The following RICTOR variants were observed in gnomAD, a reference collection of about 807,000 sequenced individuals.
The protein encoded by RICTOR is rapamycin-insensitive companion of mTOR.
In RICTOR, 49 loss-of-function variants were observed where a neutral mutation model predicts 214.9. That is an observed-to-expected ratio of 0.23 (90% CI 0.18 to 0.29). The LOEUF is 0.29. Among genes scored for constraint, RICTOR ranks in the 10% least tolerant of loss-of-function variants. RICTOR has a pLI of 1.00. For synonymous variants in RICTOR, 717 were observed against 711.3 expected (o/e 1.01, Z -0.13); for missense variants, 1,625 against 2,047.0 (o/e 0.79, Z 3.98).
intron 5 of RICTOR, among the ~76,000 whole-genome samples, chr5:39,001,952 C>T (rs1027561966): frequency 1.3e-5 from 2 of 151,996 alleles, no homozygotes; most frequent in African/African-American, 4.8e-5. Context: ...TCTACTAAAG[C>T]TAAACATACA....
At chr5:39,066,708 T>C (rs1758930212) in intron 2 of RICTOR, among the ~76,000 whole-genome samples, 1 of 152,260 alleles carries the variant, frequency 6.6e-6, no homozygotes, top group South Asian at 2.1e-4. Flanking sequence ...TTGAACACTT[T>C]GCTGCTTAGA....
intron 16 of RICTOR, among the ~76,000 whole-genome samples, chr5:38,964,096 TA>T (rs1750018411): frequency 6.6e-6 from 1 of 151,708 alleles, no homozygotes. Flanking sequence ...AGCAAAAAAA[TA>T]AAATCGTCCA....
At chr5:38,996,492 C>G (rs1753187000) in intron 6 of RICTOR, among the ~76,000 whole-genome samples, 2 of 152,192 alleles carry the variant, frequency 1.3e-5, no homozygotes, top group Non-Finnish European at 2.9e-5. Flanking sequence ...AAGAGAAAAT[C>G]AGGATGGGGA....
rs1437337885 is a variant in RICTOR, at chr5:38,990,575, A to ATATATATATC, written c.583+373_583+374insGATATATATA. 1.2e-4 allele frequency among the ~76,000 whole-genome samples: 17 copies of ATATATATATC among 147,222 alleles called. 2 individuals carry two copies. Among genetic ancestry groups the ATATATATATC allele is most frequent in the African/African-American group, 4.0e-4 (16 of 39,746 alleles). On this transcript the variant is annotated intron_variant, in intron 7 of 37. Coordinates refer to ENST00000357387, the MANE Select transcript of RICTOR (RefSeq NM_152756.5). ...TATACACGATATATACACGATATAT[A>ATATATATATC]TGATATATACATGATATATACGATA...
chr5:38,947,339 C>T lies in RICTOR; in HGVS notation c.4239G>A (p.Val1413=), dbSNP rs2112828925. The T allele has an allele frequency of 6.2e-7, 1 of 1,612,604 alleles. No individual in the cohort carries two copies. The highest frequency in any genetic ancestry group is 1.1e-5 in the South Asian group (1 of 91,018). ...CTGAACCCCCATATGTGGCACTGGA[C>T]ACCATGGACCGCACTGAGGAAGATC... ...LQRSSSVRSM[V]SSATYGGSDD... is the part of the protein sequence containing the mutation. The change falls in exon 32 of 38, where the codon GTG becomes GTA. Residue 1413 remains valine, a synonymous_variant. Transcript: ENST00000357387.
At chr5:38,949,022 T>A (rs1301288210) in intron 31 of RICTOR, among the ~76,000 whole-genome samples, 1 of 152,102 alleles carries the variant, frequency 6.6e-6, no homozygotes, top group African/African-American at 2.4e-5. Context: ...TCCACTTAAA[T>A]AAATGTAAAT....
intron 2 of RICTOR, among the ~76,000 whole-genome samples, chr5:39,052,765 G>C (rs1757940074): frequency 6.6e-6 from 1 of 152,148 alleles, no homozygotes; most frequent in Non-Finnish European, 1.5e-5. Context: ...TACCTAGAGA[G>C]CCTCCTTCTT....
chr5:38,947,177 C>T, intron 32 of RICTOR, 87 bp downstream of exon 32: 1 of 956,224 alleles, frequency 1.0e-6, no homozygotes, highest in Non-Finnish European at 1.6e-6. Flanking sequence ...GGTGCCCACC[C>T]TAAATTATGA....
intron 9 of RICTOR, 56 bp from the exon 10 acceptor site, chr5:38,975,660 GT>G: frequency 7.7e-7 from 1 of 1,293,450 alleles, no homozygotes; most frequent in Non-Finnish European, 1.1e-6. Context: ...GTTAAAATGA[GT>G]TTTTTCCTGC....
chr5:38,950,700 CAT>C lies in RICTOR; in HGVS notation c.3146_3147del (p.Asp1049GlyfsTer9). 1 of 1,598,612 alleles carries C rather than the reference CAT, an allele frequency of 6.3e-7. No individual in the cohort carries two copies. The highest frequency in any genetic ancestry group is 8.5e-7 in the Non-Finnish European group (1 of 1,172,764). Reference protein sequence around the residue: ...SVPSSMFILEDDRFGSSSTST... With the variant: ...SVPSSMFILEXDRFGSSSTST... ...CTAGTAGAGCTGCTGCCAAACCGGT[CAT>C]CCTCCAATATGAACATACCTATGAT... On this transcript the variant is annotated frameshift_variant, in exon 31 of 38. Transcript: ENST00000357387. LOFTEE classifies it high-confidence loss of function.
At chr5:39,067,126 G>A (rs971107802) in intron 2 of RICTOR, among the ~76,000 whole-genome samples, 4 of 152,150 alleles carry the variant, frequency 2.6e-5, no homozygotes, top group Non-Finnish European at 4.4e-5. Context: ...AGAAGCATCT[G>A]AGCCTGGGTA....
Position 39,074,314 on chromosome 5 carries a change from T to TAC in RICTOR, c.49+14_49+15insGT. 1 of 1,549,462 alleles carries TAC rather than the reference T, an allele frequency of 6.5e-7. No individual in the cohort carries two copies. On this transcript the variant is annotated intron_variant, in intron 1 of 37. Coordinates refer to ENST00000357387, the MANE Select transcript of RICTOR (RefSeq NM_152756.5). ...GGCGCCGGGCGGTGGGGAGTGAGGG[T>TAC]TGCAGCGGGCTTACCTCGTACTCGG...
In RICTOR at chr5:38,950,558, C is replaced by A. The variant is rs759204549; in HGVS notation, c.3290G>T (p.Arg1097Leu). Residue 1097 changes from arginine to leucine, a missense_variant, in exon 31 of 38, where the codon CGT (arginine) becomes CTT (leucine). By Grantham distance (102) the Arg-to-Leu change is moderately radical. Coordinates refer to ENST00000357387, the MANE Select transcript of RICTOR (RefSeq NM_152756.5). ...FFASSKLVKNRILNSLTLPNK... is the reference protein window; with the variant it reads ...FFASSKLVKNLILNSLTLPNK... ...AGGCAAAGTAAGCGAATTTAAGATACGATTCTTCACAAGTTTACTAGAAGC... is the reference window on the plus strand; with the variant it reads ...AGGCAAAGTAAGCGAATTTAAGATAAGATTCTTCACAAGTTTACTAGAAGC... 1 of 1,613,084 alleles carries A rather than the reference C, an allele frequency of 6.2e-7. No homozygotes were observed. The highest frequency in any genetic ancestry group is 8.5e-7 in the Non-Finnish European group (1 of 1,179,456).
In RICTOR at chr5:38,958,799, C is replaced by A. The variant is rs148408895; in HGVS notation, c.2211G>T (p.Arg737Ser). The A allele has an allele frequency of 6.2e-7, 1 of 1,603,018 alleles. No homozygotes were observed. Among genetic ancestry groups the A allele is most frequent in the East Asian group, 2.2e-5 (1 of 44,596 alleles). ...ATTCAACATTAGCTCTCAATAATAC[C>A]CTTAAATGTTTTGTTGCATAGAGTC... ...ACRLYATKHL[R>S]VLLRANVEFF... is the part of the protein sequence containing the mutation. The change falls in exon 23 of 38, where the codon AGG (arginine) becomes AGT (serine). Residue 737 changes from arginine to serine, a missense_variant. Around this residue, in one of 5 missense-constraint regions of RICTOR, gnomAD observed 1,214 missense variants for 1,470.5 expected, o/e 0.83. Transcript: ENST00000357387.
At chr5:38,945,457 T>C (rs1748084346) in intron 34 of RICTOR, 34 bp downstream of exon 34, 2 of 1,403,230 alleles carry the variant, frequency 1.4e-6, no homozygotes, top group Non-Finnish European at 2.0e-6. Context: ...TAGTCATCAC[T>C]AGGTTTTTCT....
chr5:39,002,169 C>CAAAA (rs70982532), intron 5 of RICTOR, among the ~76,000 whole-genome samples: 3 of 122,552 alleles, frequency 2.4e-5, no homozygotes, highest in African/African-American at 6.3e-5. Flanking sequence ...TGTTACACAG[C>CAAAA]AAAAAAAAAA....
intron 2 of RICTOR, among the ~76,000 whole-genome samples, chr5:39,066,692 C>T (rs1455855196): frequency 6.6e-6 from 1 of 152,238 alleles, no homozygotes; most frequent in Non-Finnish European, 1.5e-5. Flanking sequence ...GCATCCAGGA[C>T]ACATCTTGAA....
chr5:39,002,230 A>G (rs1468317664), intron 5 of RICTOR, among the ~76,000 whole-genome samples: 1 of 151,950 alleles, frequency 6.6e-6, no homozygotes, highest in African/African-American at 2.4e-5. Context: ...GAGAAGAAGA[A>G]AGAGTAATTA....
intron 5 of RICTOR, among the ~76,000 whole-genome samples, chr5:38,999,902 C>CA (rs1454492880): frequency 6.6e-6 from 1 of 151,034 alleles, no homozygotes; most frequent in East Asian, 1.9e-4. Flanking sequence ...AATGTAAAGA[C>CA]AAAAAAAGAA....
Sources: allele counts gnomAD v4.1 joint callset (sites outside exome capture counted in the v4.1 genomes callset), GRCh38; gene constraint gnomAD v4.1.1; regional missense constraint gnomAD v4.1.1; transcripts MANE v1.5; gene names NCBI Gene and HGNC (gene_info 2026-07-23, HGNC 2026-07-21).